LRRTM3: variants seen among roughly 807,000 people sequenced by gnomAD.
LRRTM3 encodes the protein leucine-rich repeat transmembrane neuronal protein 3.
LRRTM3 carries 24 observed loss-of-function variants against 44.7 expected under a neutral mutation model. That is an observed-to-expected ratio of 0.54 (90% CI 0.39 to 0.76). The LOEUF is 0.76. Among genes scored for constraint, LRRTM3 ranks in the 30% least tolerant of loss-of-function variants. The pLI is 0.00. For missense variants in LRRTM3, 587 were observed against 702.2 expected, an observed-to-expected ratio of 0.84 and a Z score of 1.85; for synonymous variants, 277 against 278.7, an observed-to-expected ratio of 0.99 and a Z score of 0.06.
chr10:66,942,061 C>T (rs1199185916), intron 2 of LRRTM3, among the ~76,000 whole-genome samples: 1 of 152,112 alleles, frequency 6.6e-6, no homozygotes, highest in Non-Finnish European at 1.5e-5. Flanking sequence ...TATCAGTTTC[C>T]TCATCTGTAA....
At chr10:66,936,628 G>C (rs971932557) in intron 2 of LRRTM3, among the ~76,000 whole-genome samples, 1 of 152,030 alleles carries the variant, frequency 6.6e-6, no homozygotes, top group East Asian at 1.9e-4. Context: ...TGGAGTCATC[G>C]GACAGATGGA....
At chr10:66,937,824 T>C (rs1677647444) in intron 2 of LRRTM3, among the ~76,000 whole-genome samples, 1 of 152,174 alleles carries the variant, frequency 6.6e-6, no homozygotes, top group African/African-American at 2.4e-5. Flanking sequence ...TTTCTGAGCT[T>C]TTCCAGAATA....
chr10:67,010,455 A>G (rs1259232795), intron 2 of LRRTM3, among the ~76,000 whole-genome samples: 5 of 152,192 alleles, frequency 3.3e-5, no homozygotes, highest in Non-Finnish European at 7.3e-5. Context: ...AATGATGCCT[A>G]ATATCTCTCC....
At chr10:66,926,633 A>T in intron 1 of LRRTM3, 46 bp downstream of exon 1, 1 of 1,599,890 alleles carries the variant, frequency 6.3e-7, no homozygotes, top group Non-Finnish European at 8.6e-7. Context: ...AACAAAAAAC[A>T]AAAAACCTCT....
intron 2 of LRRTM3, among the ~76,000 whole-genome samples, chr10:66,989,416 A>G (rs192481921): frequency 2.0e-5 from 3 of 152,358 alleles, no homozygotes; most frequent in Admixed American, 1.3e-4. Flanking sequence ...ATTTGTAGGT[A>G]TAACAGAATT....
chr10:67,012,652 C>T (rs1852409941), intron 2 of LRRTM3, among the ~76,000 whole-genome samples: 1 of 151,982 alleles, frequency 6.6e-6, no homozygotes, highest in African/African-American at 2.4e-5. Flanking sequence ...CCTAAAGAAC[C>T]CTGTCCATTG....
chr10:67,032,396 T>C (rs1853784816), intron 2 of LRRTM3, among the ~76,000 whole-genome samples: 1 of 152,128 alleles, frequency 6.6e-6, no homozygotes, highest in South Asian at 2.1e-4. Context: ...TCGCCTCCAA[T>C]AAAATCATAT....
At chr10:67,067,585 C>A (rs1397981644) in intron 2 of LRRTM3, among the ~76,000 whole-genome samples, 1 of 152,144 alleles carries the variant, frequency 6.6e-6, no homozygotes, top group East Asian at 1.9e-4. Context: ...GACTCATGTT[C>A]CCCAAGCTTA....
At chr10:67,097,356 C>T (rs910792464) in intron 2 of LRRTM3, among the ~76,000 whole-genome samples, 3 of 151,742 alleles carry the variant, frequency 2.0e-5, no homozygotes, top group African/African-American at 7.3e-5. Flanking sequence ...ACTACTTATC[C>T]AAATCTTCTA....
chr10:67,093,426 T>C (rs568061299), intron 2 of LRRTM3, among the ~76,000 whole-genome samples: 1 of 151,860 alleles, frequency 6.6e-6, no homozygotes, highest in East Asian at 2.0e-4. Context: ...TAATAAAAAT[T>C]AGGTAAAAAT....
At chr10:66,951,696 T>C (rs1432109773) in intron 2 of LRRTM3, among the ~76,000 whole-genome samples, 1 of 152,186 alleles carries the variant, frequency 6.6e-6, no homozygotes, top group Non-Finnish European at 1.5e-5. Context: ...GATTTATTTT[T>C]TTCCCAAAAA....
chr10:66,999,474 T>A (rs1264879604), intron 2 of LRRTM3, among the ~76,000 whole-genome samples: 1 of 152,000 alleles, frequency 6.6e-6, no homozygotes, highest in Admixed American at 6.6e-5. Flanking sequence ...TCATCTTGTA[T>A]GGATCAGAAC....
intron 2 of LRRTM3, among the ~76,000 whole-genome samples, chr10:67,069,009 T>C (rs1340737505): frequency 6.6e-6 from 1 of 151,620 alleles, no homozygotes; most frequent in Non-Finnish European, 1.5e-5. Context: ...GCAGCTCAGA[T>C]CACCACTGAA....
intron 2 of LRRTM3, among the ~76,000 whole-genome samples, chr10:66,960,384 T>C (rs922687455): frequency 2.0e-5 from 3 of 152,164 alleles, no homozygotes; most frequent in African/African-American, 7.2e-5. Context: ...AACCAGATGT[T>C]GTATGGAAAA....
chr10:67,059,026 T>G (rs1855604903), intron 2 of LRRTM3, among the ~76,000 whole-genome samples: 1 of 152,214 alleles, frequency 6.6e-6, no homozygotes, highest in Non-Finnish European at 1.5e-5. Flanking sequence ...TAATGCAGCC[T>G]TCTAAGAAGG....
intron 2 of LRRTM3, among the ~76,000 whole-genome samples, chr10:67,013,750 G>C (rs1852482337): frequency 6.6e-6 from 1 of 152,140 alleles, no homozygotes; most frequent in African/African-American, 2.4e-5. Flanking sequence ...GAGGTTGACA[G>C]TTACTCTGAT....
intron 2 of LRRTM3, among the ~76,000 whole-genome samples, chr10:66,949,929 C>T (rs891840200): frequency 6.6e-6 from 1 of 152,214 alleles, no homozygotes; most frequent in African/African-American, 2.4e-5. Flanking sequence ...TAAAGCCAGA[C>T]ATTAAATAGA....
At chr10:67,065,208 G>T (rs928573574) in intron 2 of LRRTM3, among the ~76,000 whole-genome samples, 6 of 152,108 alleles carry the variant, frequency 3.9e-5, no homozygotes, top group African/African-American at 1.4e-4. Flanking sequence ...CACATATCGG[G>T]AGACACAGTT....
intron 2 of LRRTM3, among the ~76,000 whole-genome samples, chr10:66,981,183 C>T (rs995735761): frequency 4.6e-5 from 7 of 152,164 alleles, no homozygotes; most frequent in African/African-American, 1.7e-4. Context: ...GGATTACAGG[C>T]GTGAGCCACC....
Sources: allele counts gnomAD v4.1 joint callset (sites outside exome capture counted in the v4.1 genomes callset), GRCh38; gene constraint gnomAD v4.1.1; transcripts MANE v1.5; gene names NCBI Gene and HGNC (gene_info 2026-07-23, HGNC 2026-07-21).